The following MTA3 variants were observed in gnomAD, a reference collection of about 807,000 sequenced individuals.
MTA3 encodes the protein metastasis associated 1 family member 3.
A neutral mutation model predicts 83.5 loss-of-function variants in MTA3; 34 were observed. That is an observed-to-expected ratio of 0.41 (90% CI 0.31 to 0.54). The LOEUF (loss-of-function observed/expected upper bound fraction) is 0.54. MTA3 is among the 20% of genes least tolerant of loss of function. The pLI is 0.33. For missense variants in MTA3, 761 were observed against 726.4 expected (o/e 1.05, Z -0.55); for synonymous variants, 303 against 252.7 (o/e 1.20, Z -1.89).
intron 8 of MTA3, among the ~76,000 whole-genome samples, chr2:42,680,607 A>G (rs1253398132): frequency 6.6e-6 from 1 of 152,258 alleles, no homozygotes; most frequent in Non-Finnish European, 1.5e-5. Context: ...AATCCGCGAC[A>G]TAGGCAGAGA....
rs767306163 is a variant in MTA3, at chr2:42,495,121, G to C, written c.-232-42G>C. 5.2e-5 allele frequency: 8 copies of C among 152,784 alleles called. No individual in the cohort carries two copies. In the East Asian group the frequency reaches 1.5e-3, roughly 30 times the overall value. 9.5% of individuals were successfully genotyped at this position (152,784 alleles called of 1,614,324 possible). A position where few individuals can be genotyped will look rare whatever the true frequency, so the allele number is the denominator to read the frequency against. ...CACAGGGTAACCTGGCTGGTTAAAG[G>C]GAAGAGTTTTTCATTGCCCTCTACT... On this transcript the variant is annotated intron_variant, in intron 1 of 17. Coordinates refer to the MTA3 transcript ENST00000405592.
At chr2:42,716,446 C>T (rs912248471) in intron 14 of MTA3, among the ~76,000 whole-genome samples, 1 of 152,000 alleles carries the variant, frequency 6.6e-6, no homozygotes, top group Non-Finnish European at 1.5e-5. Context: ...AGCCTAGTAC[C>T]CATTAGTTAT....
At position 42,724,277 on chromosome 2, in the gene MTA3, AAC is replaced by A. The variant is rs34379999; in HGVS notation, c.1759+1295_1759+1296del. On this transcript the variant is annotated intron_variant, in intron 16 of 16. Transcript: ENST00000405094. ...AGAAGGTATAAAGTAAGTCCTGAAA[AAC>A]ACACACACACACACACACACACACA... Among the ~76,000 whole-genome samples, 664 of 73,162 alleles carry A rather than the reference AAC, an allele frequency of 9.1e-3. 3 individuals are homozygous for A. Among genetic ancestry groups the A allele is most frequent in the African/African-American group, 0.012 (205 of 16,450 alleles). The allele number at this position is 73,162 out of a possible 152,430, so 48.0% of individuals were successfully genotyped here. A position where few individuals can be genotyped will look rare whatever the true frequency, so the allele number is the denominator to read the frequency against.
In MTA3 at chr2:42,756,706, T is replaced by A. The variant is rs965415014; in HGVS notation, c.*3307T>A. 3 of 985,348 alleles carry A rather than the reference T, an allele frequency of 3.0e-6. No homozygotes were observed. The highest frequency in any genetic ancestry group is 1.7e-5 in the African/African-American group (1 of 57,214). 61.0% of individuals were successfully genotyped at this position (985,348 alleles called of 1,614,324 possible). ...AATTTACTCAGTTAGCAGCCCCTCC[T>A]CACCATTCCCCCCAGGAAGGCCATG... On this transcript the variant is annotated 3_prime_UTR_variant, in exon 17 of 17. Coordinates refer to ENST00000405094, the MANE Select transcript of MTA3 (RefSeq NM_001330442.2).
At chr2:42,521,656 CCT>C (rs1415357729) in intron 2 of MTA3, among the ~76,000 whole-genome samples, 4 of 151,994 alleles carry the variant, frequency 2.6e-5, no homozygotes, top group African/African-American at 9.7e-5. Flanking sequence ...AGAGCCCTTT[CCT>C]CTCATTAATT....
chr2:42,509,608 A>T (rs1231278478), intron 2 of MTA3, among the ~76,000 whole-genome samples: 1 of 151,924 alleles, frequency 6.6e-6, no homozygotes, highest in Non-Finnish European at 1.5e-5. Context: ...TGTTCCTACT[A>T]AAAAATGCAA....
At chr2:42,646,177 G>A (rs1004432735) in intron 6 of MTA3, among the ~76,000 whole-genome samples, 7 of 152,152 alleles carry the variant, frequency 4.6e-5, no homozygotes, top group Non-Finnish European at 1.0e-4. Context: ...TACTGCTTAG[G>A]AAAAAGGATT....
intron 3 of MTA3, among the ~76,000 whole-genome samples, chr2:42,601,743 G>T (rs1006741011): frequency 6.6e-6 from 1 of 151,974 alleles, no homozygotes; most frequent in African/African-American, 2.4e-5. Context: ...GCAGGGTTGC[G>T]ATCTCAGCTC....
intron 9 of MTA3, 24 bp downstream of exon 9, chr2:42,682,613 A>G (rs772924418): frequency 6.3e-7 from 1 of 1,579,636 alleles, no homozygotes; most frequent in Admixed American, 1.8e-5. Flanking sequence ...TATGAGTAAA[A>G]TAAAATGTTG....
At chr2:42,538,796 C>T (rs1307703496) in intron 2 of MTA3, among the ~76,000 whole-genome samples, 9 of 130,578 alleles carry the variant, frequency 6.9e-5, no homozygotes, top group Admixed American at 3.4e-4. Context: ...GAGACGGAGT[C>T]TCGCCTTGTC....
At chr2:42,595,222 G>A (rs948356955) in intron 3 of MTA3, among the ~76,000 whole-genome samples, 11 of 141,014 alleles carry the variant, frequency 7.8e-5, no homozygotes, top group Non-Finnish European at 1.4e-4. Flanking sequence ...CCATTCTCCT[G>A]CCTCAGCCTC....
chr2:42,609,149 G>A (rs1174048190), intron 3 of MTA3, among the ~76,000 whole-genome samples: 1 of 150,632 alleles, frequency 6.6e-6, no homozygotes, highest in African/African-American at 2.4e-5. Context: ...TCCTGCCTCA[G>A]CCTCCCGAGT....
chr2:42,620,119 CTTT>C (rs765658192), intron 4 of MTA3, among the ~76,000 whole-genome samples: 3 of 134,892 alleles, frequency 2.2e-5, no homozygotes, highest in Non-Finnish European at 1.6e-5. Context: ...CATCACACAT[CTTT>C]TTTTTTTTTT....
intron 9 of MTA3, among the ~76,000 whole-genome samples, chr2:42,691,104 T>C (rs1692852829): frequency 6.6e-6 from 1 of 151,966 alleles, no homozygotes; most frequent in African/African-American, 2.4e-5. Flanking sequence ...CTTGAACTCC[T>C]GGCCTCAAGC....
At chr2:42,687,575 C>T (rs1204117843) in intron 9 of MTA3, among the ~76,000 whole-genome samples, 11 of 152,136 alleles carry the variant, frequency 7.2e-5, no homozygotes, top group African/African-American at 2.4e-4. Context: ...AAATATGAGC[C>T]GTGGGGTTGC....
intron 2 of MTA3, among the ~76,000 whole-genome samples, chr2:42,555,015 T>C (rs1436913829): frequency 6.6e-6 from 1 of 152,100 alleles, no homozygotes; most frequent in Non-Finnish European, 1.5e-5. Flanking sequence ...TAGCTGGGCA[T>C]GGTGGCAGGC....
chr2:42,611,937 G>T (rs1247360291), intron 4 of MTA3, among the ~76,000 whole-genome samples: 1 of 152,194 alleles, frequency 6.6e-6, no homozygotes, highest in Non-Finnish European at 1.5e-5. Context: ...GAATGGCTGG[G>T]ACTACAAGTG....
At chr2:42,541,846 TC>T (rs1295051721) in intron 2 of MTA3, among the ~76,000 whole-genome samples, 3 of 152,166 alleles carry the variant, frequency 2.0e-5, no homozygotes, top group Non-Finnish European at 1.5e-5. Context: ...TCAAACCACT[TC>T]TTCCCTTCAG....
At chr2:42,694,677 C>G (rs1310105310) in intron 9 of MTA3, among the ~76,000 whole-genome samples, 1 of 152,204 alleles carries the variant, frequency 6.6e-6, no homozygotes, top group African/African-American at 2.4e-5. Flanking sequence ...GACTGTCTCT[C>G]CTGTCTTCCT....
Sources: allele counts gnomAD v4.1 joint callset (sites outside exome capture counted in the v4.1 genomes callset), GRCh38; gene constraint gnomAD v4.1.1; transcripts MANE v1.5; gene names NCBI Gene and HGNC (gene_info 2026-07-23, HGNC 2026-07-21).